The following RASSF8 variants were observed in gnomAD, a reference collection of about 807,000 sequenced individuals.
The protein encoded by RASSF8 is ras association domain-containing protein 8.
A neutral mutation model predicts 48.5 loss-of-function variants in RASSF8; 22 were observed. The observed-to-expected ratio is 0.45, with a 90% CI of 0.32 to 0.65. The LOEUF (loss-of-function observed/expected upper bound fraction) is 0.65, where lower values mean the gene tolerates loss of function less well. Ranked by LOEUF, RASSF8 falls within the 30% of genes least tolerant of loss-of-function variation. The pLI, the probability that RASSF8 is intolerant of heterozygous loss-of-function variation, is 0.03. For missense variants in RASSF8, 418 were observed against 489.2 expected (o/e 0.85, Z 1.37); for synonymous variants, 127 against 171.5 (o/e 0.74, Z 2.03).
At chr12:25,958,390 AGCGTGGCCCGGTGG>A (rs1941129594), upstream of RASSF8, 1 of 150,908 alleles carries the variant, frequency 6.6e-6, no homozygotes, top group East Asian at 2.0e-4. Context: ...GGGCCGGGCG[AGCGTGGCCCGGTGG>A]GCCCGAGGGT....
intron 1 of RASSF8, among the ~76,000 whole-genome samples, chr12:25,988,139 G>GT (rs1394738368): frequency 6.6e-6 from 1 of 152,002 alleles, no homozygotes; most frequent in Non-Finnish European, 1.5e-5. Flanking sequence ...GGGATTACAG[G>GT]TGTGAGCCAC....
intron 2 of RASSF8, among the ~76,000 whole-genome samples, chr12:26,002,644 G>A (rs183588271): frequency 9.2e-5 from 14 of 152,148 alleles, no homozygotes; most frequent in Admixed American, 2.0e-4. Context: ...GCGTGGTGGC[G>A]CACACCTGTA....
At position 26,071,204 on chromosome 12, in the gene RASSF8, A is replaced by C. The variant is rs1035369020; in HGVS notation, c.*2386A>C. On this transcript the variant is annotated 3_prime_UTR_variant, in exon 6 of 6. Transcript: ENST00000689635. ...CTCAGAGGGAAAAAAACTCGTTTTC[A>C]TAGGATCATCTGAAGATACTTTAGT... The C allele has an allele frequency of 1.0e-6, 1 of 980,710 alleles. No homozygotes were observed. The highest frequency in any genetic ancestry group is 4.7e-5 in the South Asian group (1 of 21,182). The allele number at this position is 980,710 out of a possible 1,614,324, so 60.8% of individuals were successfully genotyped here.
chr12:26,058,299 G>A (rs900369786), intron 3 of RASSF8, among the ~76,000 whole-genome samples: 5 of 152,188 alleles, frequency 3.3e-5, no homozygotes, highest in African/African-American at 4.8e-5. Context: ...TGTGGATCCT[G>A]ATTTCTGTGG....
At chr12:25,969,779 T>C (rs1941441358) in intron 1 of RASSF8, among the ~76,000 whole-genome samples, 1 of 152,088 alleles carries the variant, frequency 6.6e-6, no homozygotes, top group African/African-American at 2.4e-5. Flanking sequence ...TGGGTGCATG[T>C]TTTGGTTGTT....
chr12:26,002,434 AAAAC>A (rs1355044761), intron 2 of RASSF8, among the ~76,000 whole-genome samples: 4 of 151,834 alleles, frequency 2.6e-5, no homozygotes, highest in African/African-American at 4.8e-5. Context: ...CTCCATCTCA[AAAAC>A]AAACAAACAA....
At chr12:26,040,226 A>G (rs932998369) in intron 2 of RASSF8, among the ~76,000 whole-genome samples, 8 of 152,298 alleles carry the variant, frequency 5.3e-5, no homozygotes, top group African/African-American at 1.9e-4. Context: ...TTAACATAAG[A>G]TTTTTAGTGT....
At chr12:25,979,093 A>G (rs184605295) in intron 1 of RASSF8, among the ~76,000 whole-genome samples, 53 of 152,312 alleles carry the variant, frequency 3.5e-4, no homozygotes, top group Non-Finnish European at 6.5e-4. Context: ...CTCAAAAAGA[A>G]GCTTGGGCTG....
chr12:26,071,089 A>G lies in RASSF8; in HGVS notation c.*2271A>G, dbSNP rs1943990095. The G allele has an allele frequency of 1.0e-6, 1 of 977,148 alleles. No individual in the cohort carries two copies. The allele number at this position is 977,148 out of a possible 1,614,324, so 60.5% of individuals were successfully genotyped here. Reference sequence around the variant, plus strand: ...TTTCCTAGGCGACGAAAGTATAGAAATGTGAATATGTTGAATACATTGAGA... The same window carrying G: ...TTTCCTAGGCGACGAAAGTATAGAAGTGTGAATATGTTGAATACATTGAGA... On this transcript the variant is annotated 3_prime_UTR_variant, in exon 6 of 6. Transcript: ENST00000689635.
chr12:26,060,498 A>C (rs189439131), intron 3 of RASSF8, among the ~76,000 whole-genome samples: 1 of 152,310 alleles, frequency 6.6e-6, no homozygotes, highest in East Asian at 1.9e-4. Context: ...TTATTTCTTC[A>C]CTGATAAGAT....
rs191422719 is a variant in RASSF8 at position 26,024,936 on chromosome 12, G to T, written c.-109+29806G>T. Reference sequence around the variant, plus strand: ...TGTGCCACTGCACTCCAAAGCCTGGGCAACAGAGCGAGACTCCGTCTCAAA... The same window carrying T: ...TGTGCCACTGCACTCCAAAGCCTGGTCAACAGAGCGAGACTCCGTCTCAAA... On this transcript the variant is annotated intron_variant, in intron 2 of 5. Coordinates refer to ENST00000689635, the MANE Select transcript of RASSF8 (RefSeq NM_001394098.1). Among the ~76,000 whole-genome samples the T allele has an allele frequency of 3.3e-5, 5 of 152,114 alleles. No homozygotes were observed. The East Asian group carries it at 9.7e-4, about 29-fold the overall frequency.
At chr12:26,060,591 T>C (rs58090953) in intron 3 of RASSF8, among the ~76,000 whole-genome samples, 2,152 of 152,292 alleles carry the variant, frequency 0.014, 50 homozygotes, top group African/African-American at 0.05. Context: ...TTTTACAGGC[T>C]ATAAGATAAT....
intron 2 of RASSF8, among the ~76,000 whole-genome samples, chr12:26,036,469 A>C (rs907097872): frequency 1.3e-5 from 2 of 152,110 alleles, no homozygotes; most frequent in Non-Finnish European, 2.9e-5. Context: ...AGTTATTTTT[A>C]TATATGGGCC....
intron 2 of RASSF8, among the ~76,000 whole-genome samples, chr12:26,033,036 C>CT (rs1252102202): frequency 6.6e-6 from 1 of 152,192 alleles, no homozygotes; most frequent in Non-Finnish European, 1.5e-5. Context: ...GGCCTGTCTT[C>CT]TTTAGAGTAG....
chr12:26,065,443 G>T, intron 4 of RASSF8, 56 bp downstream of exon 4: 1 of 1,494,466 alleles, frequency 6.7e-7, no homozygotes, highest in South Asian at 1.4e-5. Context: ...TATCTTCTTG[G>T]AATCTCCTTT....
At chr12:25,965,635 C>T (rs10842642) in intron 1 of RASSF8, among the ~76,000 whole-genome samples, 54,746 of 151,916 alleles carry the variant, frequency 0.36, 11,235 homozygotes, top group Non-Finnish European at 0.46. Flanking sequence ...GGATTACAGG[C>T]GAGAGCCACC....
chr12:26,064,630 G>T lies in RASSF8; in HGVS notation c.236G>T (p.Arg79Leu), dbSNP rs776398938. The T allele has an allele frequency of 6.2e-7, 1 of 1,614,114 alleles. No homozygotes were observed. The highest frequency in any genetic ancestry group is 8.5e-7 in the Non-Finnish European group (1 of 1,180,020). ...AGTGATGTGCAGCTCATTCTACGACGAACTGGGCCGTCTCTCAGTGAGCGA... is the reference window on the plus strand; with the variant it reads ...AGTGATGTGCAGCTCATTCTACGACTAACTGGGCCGTCTCTCAGTGAGCGA... Reference protein sequence around the residue: ...YASDVQLILRRTGPSLSERPT... With the variant: ...YASDVQLILRLTGPSLSERPT... The change falls in exon 4 of 6, where the codon CGA becomes CTA. Residue 79 changes from arginine (R) to leucine (L), a missense_variant. Transcript: ENST00000689635.
chr12:26,076,966 G>A (rs548954247), downstream of RASSF8, among the ~76,000 whole-genome samples: 9 of 152,346 alleles, frequency 5.9e-5, no homozygotes, highest in East Asian at 1.7e-3. Context: ...TCTAACTGGT[G>A]TGAGATGGTA....
At chr12:26,064,057 G>A (rs1943808053) in intron 3 of RASSF8, among the ~76,000 whole-genome samples, 1 of 152,112 alleles carries the variant, frequency 6.6e-6, no homozygotes, top group African/African-American at 2.4e-5. Flanking sequence ...AAAAGCCGAG[G>A]GATTTCCACA....
Sources: gnomAD v4.1 joint callset for allele counts (sites outside exome capture counted in the v4.1 genomes callset) on GRCh38, gnomAD v4.1.1 for gene constraint, MANE v1.5 for transcripts, NCBI Gene and HGNC (gene_info 2026-07-23, HGNC 2026-07-21) for gene names.